The following ST6GALNAC3 variants were observed in gnomAD, a reference collection of about 807,000 sequenced individuals.
The protein encoded by ST6GALNAC3 is alpha-N-acetylgalactosaminide alpha-2,6-sialyltransferase 3.
Under a neutral mutation model 32.7 loss-of-function variants are expected in ST6GALNAC3, and 25 were observed. The ratio of observed to expected loss-of-function variants is 0.76; its 90% CI spans 0.56 to 1.07. The LOEUF is 1.07. Ranked by LOEUF, ST6GALNAC3 falls within the 50% of genes least tolerant of loss-of-function variation. The probability of loss-of-function intolerance (pLI) is 0.00; values close to 1 mark genes in which losing one functional copy is unlikely to be tolerated. For synonymous variants in ST6GALNAC3, 129 were observed against 133.1 expected, an observed-to-expected ratio of 0.97 and a Z score of 0.21; for missense variants, 355 against 382.4, an observed-to-expected ratio of 0.93 and a Z score of 0.60.
chr1:76,414,845 A>T (rs1654504719), intron 3 of ST6GALNAC3, among the ~76,000 whole-genome samples: 2 of 152,084 alleles, frequency 1.3e-5, no homozygotes, highest in South Asian at 4.1e-4. Flanking sequence ...AAAATCAACA[A>T]TTCTGCCTTA....
chr1:76,511,782 T>C (rs1571470459), intron 3 of ST6GALNAC3, among the ~76,000 whole-genome samples: 1 of 152,320 alleles, frequency 6.6e-6, no homozygotes, highest in East Asian at 1.9e-4. Flanking sequence ...GAAGGCCTCT[T>C]GAATATAGTG....
chr1:76,098,069 A>G (rs992866983), intron 1 of ST6GALNAC3, among the ~76,000 whole-genome samples: 5 of 152,228 alleles, frequency 3.3e-5, no homozygotes, highest in African/African-American at 4.8e-5. Context: ...GGAAAGGTCC[A>G]TGTATATGTA....
At chr1:76,635,392 G>A (rs903659484), downstream of ST6GALNAC3, among the ~76,000 whole-genome samples, 4 of 152,172 alleles carry the variant, frequency 2.6e-5, no homozygotes, top group Admixed American at 1.3e-4. Context: ...TTATATGCCA[G>A]GCTTATTAAA....
chr1:76,278,841 T>C (rs1319716746), intron 1 of ST6GALNAC3, among the ~76,000 whole-genome samples: 3 of 152,184 alleles, frequency 2.0e-5, no homozygotes, highest in Non-Finnish European at 2.9e-5. Context: ...AATGTGTTTA[T>C]GGTAAAGCCA....
rs1649242457 is a variant in ST6GALNAC3, at chr1:76,630,537, A to G, written c.*1731A>G. 1.0e-6 allele frequency: 1 copy of G among 985,152 alleles called. No individual in the cohort carries two copies. Among genetic ancestry groups the G allele is most frequent in the Non-Finnish European group, 1.2e-6 (1 of 829,864 alleles). 61.0% of individuals were successfully genotyped at this position (985,152 alleles called of 1,614,324 possible). A position where few individuals can be genotyped will look rare whatever the true frequency, so the allele number is the denominator to read the frequency against. On this transcript the variant is annotated 3_prime_UTR_variant, in exon 5 of 5. Transcript: ENST00000328299. The stretch of plus-strand genomic sequence containing the variant: ...ATCCTTGCAGAATGATTCAAAAGAC[A>G]AAAGCCAGGCTCAACTTATAGAATG...
chr1:76,599,008 T>G (rs1557613351), intron 3 of ST6GALNAC3, among the ~76,000 whole-genome samples: 3 of 152,220 alleles, frequency 2.0e-5, no homozygotes, highest in Admixed American at 2.0e-4. Flanking sequence ...AAAAGTAATC[T>G]ACTTTATTAA....
At chr1:76,305,991 G>T (rs1426765629) in intron 1 of ST6GALNAC3, 3 of 491,252 alleles carry the variant, frequency 6.1e-6, no homozygotes, top group African/African-American at 3.9e-5. Flanking sequence ...TCATATAACT[G>T]GTTCAGAAAT....
At chr1:76,581,287 A>T (rs1267439514) in intron 3 of ST6GALNAC3, among the ~76,000 whole-genome samples, 2 of 152,120 alleles carry the variant, frequency 1.3e-5, no homozygotes, top group African/African-American at 4.8e-5. Context: ...GATTTTCTAG[A>T]TACATCACTG....
At chr1:76,080,184 A>G (rs950412479) in intron 1 of ST6GALNAC3, among the ~76,000 whole-genome samples, 3 of 152,226 alleles carry the variant, frequency 2.0e-5, no homozygotes, top group African/African-American at 7.2e-5. Flanking sequence ...ACTGAACTGA[A>G]TGTAAAAGGC....
intron 3 of ST6GALNAC3, among the ~76,000 whole-genome samples, chr1:76,513,250 A>G (rs1661978395): frequency 6.6e-6 from 1 of 152,112 alleles, no homozygotes; most frequent in Non-Finnish European, 1.5e-5. Flanking sequence ...TTCTTCTAGT[A>G]GTTTCATAGT....
At chr1:76,544,952 A>G (rs1463769988) in intron 3 of ST6GALNAC3, among the ~76,000 whole-genome samples, 1 of 152,212 alleles carries the variant, frequency 6.6e-6, no homozygotes, top group Non-Finnish European at 1.5e-5. Context: ...TCTTTAATTT[A>G]AGGACATTTA....
chr1:76,322,613 T>A (rs943016828), intron 2 of ST6GALNAC3, among the ~76,000 whole-genome samples: 1 of 152,208 alleles, frequency 6.6e-6, no homozygotes, highest in Non-Finnish European at 1.5e-5. Flanking sequence ...ACTAAGTAGA[T>A]GGCATCAAAT....
At chr1:76,487,207 G>T (rs1660181298) in intron 3 of ST6GALNAC3, among the ~76,000 whole-genome samples, 1 of 152,052 alleles carries the variant, frequency 6.6e-6, no homozygotes. Context: ...ATATGTCTTG[G>T]AGTTTCTCTT....
In ST6GALNAC3 at chr1:76,314,828, C is replaced by T. The variant is rs572988931; in HGVS notation, c.213+829C>T. ...ACAAAGGTACAAGCTACCAGTGTGT[C>T]TACATTACTAGGGAGAGTCTTGGAT... On this transcript the variant is annotated intron_variant, in intron 2 of 4. Coordinates refer to ENST00000328299, the MANE Select transcript of ST6GALNAC3 (RefSeq NM_152996.4). 8.5e-5 allele frequency among the ~76,000 whole-genome samples: 13 copies of T among 152,204 alleles called. 1 individual carries two copies. The East Asian group carries it at 1.7e-3, about 20-fold the overall frequency.
At chr1:76,487,060 C>T (rs1020861225) in intron 3 of ST6GALNAC3, among the ~76,000 whole-genome samples, 2 of 152,186 alleles carry the variant, frequency 1.3e-5, no homozygotes, top group African/African-American at 4.8e-5. Flanking sequence ...GGCCCCTACT[C>T]TCTTCTGGCT....
chr1:76,428,287 G>A (rs75861598), intron 3 of ST6GALNAC3, among the ~76,000 whole-genome samples: 210 of 152,086 alleles, frequency 1.4e-3, no homozygotes, highest in African/African-American at 4.5e-3. Context: ...TCTCTGAATG[G>A]TGAAAACTCT....
rs1430166573 is a variant in ST6GALNAC3 at position 76,419,947 on chromosome 1, T to TC, written c.623+7530_623+7531insC. Among the ~76,000 whole-genome samples the TC allele has an allele frequency of 2.9e-3, 433 of 148,432 alleles. 2 individuals are homozygous for TC. The highest frequency in any genetic ancestry group is 0.01 in the African/African-American group (407 of 39,932). On this transcript the variant is annotated intron_variant, in intron 3 of 4. Transcript: ENST00000328299. ...CTTGTTTGTTCTTTCTTTCTTTCTT[T>TC]TTTTTTTTTTTGTTTGTTTGTTTCA...
chr1:76,333,872 A>G (rs1368418815), intron 2 of ST6GALNAC3, among the ~76,000 whole-genome samples: 1 of 152,194 alleles, frequency 6.6e-6, no homozygotes, highest in African/African-American at 2.4e-5. Flanking sequence ...TCTCACAATA[A>G]TGCTATATGG....
chr1:76,490,867 T>C (rs11162167), intron 3 of ST6GALNAC3, among the ~76,000 whole-genome samples: 1 of 78,028 alleles, frequency 1.3e-5, no homozygotes, highest in Admixed American at 1.1e-4. Context: ...TTTTTTTTTG[T>C]TTTTTTTTGA....
Sources: allele counts gnomAD v4.1 joint callset (sites outside exome capture counted in the v4.1 genomes callset), GRCh38; gene constraint gnomAD v4.1.1; transcripts MANE v1.5; gene names NCBI Gene and HGNC (gene_info 2026-07-23, HGNC 2026-07-21).